Variants in EEA1 observed in about 807,000 individuals in gnomAD.
The protein encoded by EEA1 is early endosome antigen 1, 162kD.
Under a neutral mutation model 209.2 loss-of-function variants are expected in EEA1, and 111 were observed. That is an observed-to-expected ratio of 0.53 (90% CI 0.45 to 0.62). EEA1 has a LOEUF of 0.62. Ranked by LOEUF, EEA1 falls within the 20% of genes least tolerant of loss-of-function variation. EEA1 has a pLI of 0.00. For synonymous variants in EEA1, 536 were observed against 540.6 expected (o/e 0.99, Z 0.12); for missense variants, 1,343 against 1,530.8 (o/e 0.88, Z 2.05).
chr12:92,796,202 C>T (rs1489002118), intron 21 of EEA1, among the ~76,000 whole-genome samples: 1 of 151,950 alleles, frequency 6.6e-6, no homozygotes, highest in East Asian at 1.9e-4. Context: ...AAATAAGGGG[C>T]CATATCCTAT....
intron 10 of EEA1, among the ~76,000 whole-genome samples, chr12:92,834,544 A>G (rs1867422): frequency 0.92 from 120,540 of 130,400 alleles, 55,794 homozygotes; most frequent in East Asian, 1. Context: ...AGACCCTGTC[A>G]CTAAAAAAAA....
At chr12:92,883,023 C>T (rs1484491497) in intron 2 of EEA1, among the ~76,000 whole-genome samples, 1 of 152,228 alleles carries the variant, frequency 6.6e-6, no homozygotes, top group Non-Finnish European at 1.5e-5. Context: ...AACTAATTTA[C>T]ATTCCCACCA....
intron 15 of EEA1, among the ~76,000 whole-genome samples, chr12:92,813,551 A>G (rs1234771885): frequency 1.3e-5 from 2 of 152,228 alleles, no homozygotes; most frequent in East Asian, 3.8e-4. Flanking sequence ...GTATTCCCTG[A>G]TAACTTCTCA....
chr12:92,899,469 C>T (rs1227953773), intron 1 of EEA1, among the ~76,000 whole-genome samples: 1 of 152,204 alleles, frequency 6.6e-6, no homozygotes, highest in Non-Finnish European at 1.5e-5. Flanking sequence ...GACAAGCAGA[C>T]AAAGCTTGTG....
chr12:92,904,771 A>T (rs1417835378), intron 1 of EEA1, among the ~76,000 whole-genome samples: 1 of 152,254 alleles, frequency 6.6e-6, no homozygotes, highest in Admixed American at 6.5e-5. Context: ...ACAGTATGTA[A>T]GGGAAGGTCT....
chr12:92,771,731 T>C lies in EEA1; in HGVS notation c.*4280A>G, dbSNP rs1370783041. The C allele has an allele frequency of 6.6e-6, 1 of 152,018 alleles. No individual in the cohort carries two copies. The highest frequency in any genetic ancestry group is 1.5e-5 in the Non-Finnish European group (1 of 67,928). 9.4% of individuals were successfully genotyped at this position (152,018 alleles called of 1,614,324 possible). On this transcript the variant is annotated 3_prime_UTR_variant, in exon 29 of 29. Transcript: ENST00000322349. ...AACAATCATCTTGCAAATGTTTAGATATAAACTAACCTCGGAGGTGAGCAG... is the reference window on the plus strand; with the variant it reads ...AACAATCATCTTGCAAATGTTTAGACATAAACTAACCTCGGAGGTGAGCAG...
chr12:92,911,101 C>T (rs1880566917), intron 1 of EEA1, among the ~76,000 whole-genome samples: 1 of 152,186 alleles, frequency 6.6e-6, no homozygotes, highest in Non-Finnish European at 1.5e-5. Context: ...TAAACATACT[C>T]TTACTATACA....
chr12:92,791,847 T>C (rs1390784291), intron 21 of EEA1, among the ~76,000 whole-genome samples: 2 of 152,302 alleles, frequency 1.3e-5, no homozygotes, highest in East Asian at 1.9e-4. Flanking sequence ...ATCACACTTA[T>C]TCTAAAATTG....
chr12:92,870,839 G>A (rs1878611015), intron 2 of EEA1, among the ~76,000 whole-genome samples: 1 of 151,926 alleles, frequency 6.6e-6, no homozygotes, highest in African/African-American at 2.4e-5. Context: ...ACCACACCCA[G>A]CTAGTTTTTG....
At chr12:92,900,359 C>A (rs1021693129) in intron 1 of EEA1, among the ~76,000 whole-genome samples, 2 of 152,016 alleles carry the variant, frequency 1.3e-5, no homozygotes, top group Non-Finnish European at 2.9e-5. Flanking sequence ...TCAGTCTCTA[C>A]AGTCCCTTTA....
Position 92,788,045 on chromosome 12 carries a change from T to C in EEA1, c.2972A>G (p.Glu991Gly). Residue 991 changes from glutamate (E) to glycine (G), a missense_variant, in exon 22 of 29, where the codon GAG (glutamate) becomes GGG (glycine). Physicochemically the swap from Glu to Gly is moderately conservative, Grantham distance 98. Transcript: ENST00000322349. ...ELKIAVLQKT[E>G]LENKLQQQLT... ...CTGCTGCTGTAGTTTATTCTCAAGC[T>C]CTGTCTGAAACATACAATAGTTATT... 1 of 1,597,296 alleles carries C rather than the reference T, an allele frequency of 6.3e-7. No homozygotes were observed. The highest frequency in any genetic ancestry group is 1.4e-5 in the African/African-American group (1 of 73,920).
rs187273362 is a variant in EEA1 at position 92,875,456 on chromosome 12, T to G, written c.118-10469A>C. 2.0e-3 allele frequency among the ~76,000 whole-genome samples: 305 copies of G among 151,930 alleles called. 3 individuals are homozygous for G. Among genetic ancestry groups the G allele is most frequent in the African/African-American group, 7.2e-3 (297 of 41,466 alleles). On this transcript the variant is annotated intron_variant, in intron 2 of 28. Coordinates refer to ENST00000322349, the MANE Select transcript of EEA1 (RefSeq NM_003566.4). ...GTCTCAAAAAAGAAAAACTTACATTTTATGCCCCACTAATCAGAAAATCCT... is the reference window on the plus strand; with the variant it reads ...GTCTCAAAAAAGAAAAACTTACATTGTATGCCCCACTAATCAGAAAATCCT...
chr12:92,891,164 TTTC>T (rs527541262), intron 2 of EEA1, among the ~76,000 whole-genome samples: 1 of 151,972 alleles, frequency 6.6e-6, no homozygotes, highest in African/African-American at 2.4e-5. Context: ...TTTACAATAA[TTTC>T]TTCATTTTTA....
chr12:92,788,794 T>C (rs893844198), intron 21 of EEA1, among the ~76,000 whole-genome samples: 5 of 152,232 alleles, frequency 3.3e-5, no homozygotes, highest in African/African-American at 1.2e-4. Flanking sequence ...GTACCTGATA[T>C]AGTTGATTAT....
Position 92,777,577 on chromosome 12 carries a change from A to G in EEA1, c.3980T>C (p.Val1327Ala). Residue 1327 changes from valine to alanine, a missense_variant, in exon 27 of 29, where the codon GTG becomes GCG. Transcript: ENST00000322349. ...QRKLDNTTAA[V>A]QELGRENQSL... is the part of the protein sequence containing the mutation. Reference sequence around the variant, plus strand: ...TTGGTTTTCTCTGCCCAGCTCCTGCACTGCTGCAGTTGTATTATCCAGCTT... The same window carrying G: ...TTGGTTTTCTCTGCCCAGCTCCTGCGCTGCTGCAGTTGTATTATCCAGCTT... 1 of 1,612,344 alleles carries G rather than the reference A, an allele frequency of 6.2e-7. No homozygotes were observed.
intron 1 of EEA1, among the ~76,000 whole-genome samples, chr12:92,906,974 T>C (rs1880409502): frequency 6.6e-6 from 1 of 152,218 alleles, no homozygotes; most frequent in South Asian, 2.1e-4. Flanking sequence ...TTAAATACAT[T>C]ATGCAAGCCT....
At chr12:92,781,830 C>G in intron 23 of EEA1, 120 bp downstream of exon 23, 1 of 800,786 alleles carries the variant, frequency 1.2e-6, no homozygotes. Context: ...ACTAGAGGTC[C>G]CTCTGAGAGA....
At chr12:92,837,802 G>A (rs910311103) in intron 10 of EEA1, among the ~76,000 whole-genome samples, 9 of 152,104 alleles carry the variant, frequency 5.9e-5, no homozygotes, top group African/African-American at 1.9e-4. Flanking sequence ...ACCTATCCAC[G>A]TTGATACTAC....
At chr12:92,881,599 C>T (rs1002187224) in intron 2 of EEA1, among the ~76,000 whole-genome samples, 23 of 151,872 alleles carry the variant, frequency 1.5e-4, no homozygotes, top group East Asian at 3.8e-4. Flanking sequence ...GGACTAAATG[C>T]GTCTAAGAAG....
Sources: gnomAD v4.1 joint callset for allele counts (sites outside exome capture counted in the v4.1 genomes callset) on GRCh38, gnomAD v4.1.1 for gene constraint, MANE v1.5 for transcripts, NCBI Gene and HGNC (gene_info 2026-07-23, HGNC 2026-07-21) for gene names.